TTC34: variants seen among roughly 807,000 people sequenced by gnomAD.
TTC34 encodes tetratricopeptide repeat protein 34.
A neutral mutation model predicts 40.7 loss-of-function variants in TTC34; 44 were observed. The ratio of observed to expected loss-of-function variants is 1.08; its 90% CI spans 0.85 to 1.39. The LOEUF (loss-of-function observed/expected upper bound fraction) is 1.39, where lower values mean the gene tolerates loss of function less well. Among genes scored for constraint, TTC34 ranks in the 40% most tolerant of loss-of-function variants. The pLI, the probability that TTC34 is intolerant of heterozygous loss-of-function variation, is 0.00. For synonymous variants in TTC34, 422 were observed against 398.6 expected, an observed-to-expected ratio of 1.06 and a Z score of -0.70; for missense variants, 884 against 838.0, an observed-to-expected ratio of 1.05 and a Z score of -0.68.
intron 6 of TTC34, among the ~76,000 whole-genome samples, chr1:2,675,159 A>T (rs1639856456): frequency 7.3e-6 from 1 of 136,614 alleles, no homozygotes; most frequent in Non-Finnish European, 1.6e-5. Flanking sequence ...CAGCACCCAC[A>T]CCCCCAGGGG....
At chr1:2,788,975 C>T (rs1643627132) in intron 3 of TTC34, among the ~76,000 whole-genome samples, 1 of 152,014 alleles carries the variant, frequency 6.6e-6, no homozygotes, top group Non-Finnish European at 1.5e-5. Flanking sequence ...CTACTTGGGA[C>T]GCTGAGGCAG....
chr1:2,752,274 G>C lies in TTC34; in HGVS notation c.2226+31335C>G, dbSNP rs1236773375. ...TGCCCAGCTGAGCCTCTGACAGCCT[G>C]GAACAGCACCTTGCACCCCCAGGGG... On this transcript the variant is annotated intron_variant, in intron 6 of 8. Transcript: ENST00000401095. Among the ~76,000 whole-genome samples, 6 of 104,230 alleles carry C rather than the reference G, an allele frequency of 5.8e-5. 1 individual carries two copies. The Admixed American group carries it at 6.2e-4, about 11-fold the overall frequency. 68.4% of individuals were successfully genotyped at this position (104,230 alleles called of 152,430 possible).
rs1464599511 is a variant in TTC34 at position 2,646,186 on chromosome 1, C to T, written c.2227-623G>A. ...AGCAATTGCCTTGTGGATTACAATACGTAGCCTTACAGCTATGAACAAGCC... is the reference window on the plus strand; with the variant it reads ...AGCAATTGCCTTGTGGATTACAATATGTAGCCTTACAGCTATGAACAAGCC... On this transcript the variant is annotated intron_variant, in intron 6 of 8. Coordinates refer to ENST00000401095, the Ensembl canonical transcript of TTC34. Among the ~76,000 whole-genome samples the T allele has an allele frequency of 6.6e-5, 10 of 152,158 alleles. No homozygotes were observed. The South Asian group carries it at 8.3e-4, about 13-fold the overall frequency.
In TTC34 at chr1:2,645,587, G is replaced by GGGGGCCCC; in HGVS notation, c.2227-25_2227-24insGGGGCCCC. 4.4e-6 allele frequency: 1 copy of GGGGGCCCC among 229,528 alleles called. No individual in the cohort carries two copies. The highest frequency in any genetic ancestry group is 8.6e-6 in the Non-Finnish European group (1 of 116,450). The allele number at this position is 229,528 out of a possible 1,614,324, so 14.2% of individuals were successfully genotyped here. On this transcript the variant is annotated intron_variant, in intron 6 of 8. Coordinates refer to ENST00000401095, the Ensembl canonical transcript of TTC34. The surrounding 1 kb of genome is among the most constrained non-coding windows in gnomAD (Gnocchi z 4.7). Reference sequence around the variant, plus strand: ...TCCTGCAAGGAGGGAGGGCGGGCGGGTGCAGAGTTGTCCTAAGTAGAGAAA... The same window carrying GGGGGCCCC: ...TCCTGCAAGGAGGGAGGGCGGGCGGGGGGGCCCCTGCAGAGTTGTCCTAAGTAGAGAAA...
At chr1:2,772,797 C>G (rs1423679103) in intron 6 of TTC34, among the ~76,000 whole-genome samples, 21 of 56,290 alleles carry the variant, frequency 3.7e-4, no homozygotes, top group Non-Finnish European at 2.6e-4. Context: ...ATCTGACATC[C>G]TGGAACAGCA....
At chr1:2,694,940 C>A (rs1640791184) in intron 6 of TTC34, among the ~76,000 whole-genome samples, 1 of 138,030 alleles carries the variant, frequency 7.2e-6, no homozygotes, top group Non-Finnish European at 1.6e-5. Flanking sequence ...CATCCTTGAG[C>A]AGCACCCACA....
At chr1:2,783,472 G>A in intron 6 of TTC34, 137 bp downstream of exon 6, 1 of 898,538 alleles carries the variant, frequency 1.1e-6, no homozygotes, top group African/African-American at 1.7e-5. Flanking sequence ...AGGTGGGGAT[G>A]GGAACATGGG....
chr1:2,643,173 C>G (rs1307169274), intron 8 of TTC34, among the ~76,000 whole-genome samples: 1 of 152,230 alleles, frequency 6.6e-6, no homozygotes, highest in African/African-American at 2.4e-5. Context: ...CCCAGACTCC[C>G]CTGAGCCCGC....
At chr1:2,677,671 G>A (rs368580012) in intron 6 of TTC34, among the ~76,000 whole-genome samples, 217 of 149,776 alleles carry the variant, frequency 1.4e-3, no homozygotes, top group African/African-American at 4.3e-3. Flanking sequence ...GCATCTGACA[G>A]CCTGGAACAG....
intron 6 of TTC34, among the ~76,000 whole-genome samples, chr1:2,683,989 CTG>C (rs1190702247): frequency 5.4e-5 from 8 of 148,470 alleles, no homozygotes; most frequent in African/African-American, 2.1e-4. Flanking sequence ...GAGCAGCATC[CTG>C]CACCCCCAGG....
At chr1:2,652,075 C>T (rs1468570046) in intron 6 of TTC34, among the ~76,000 whole-genome samples, 6 of 29,390 alleles carry the variant, frequency 2.0e-4, no homozygotes, top group Non-Finnish European at 2.6e-4. Flanking sequence ...CCTGGAGGAG[C>T]ACCCACACCC....
intron 6 of TTC34, among the ~76,000 whole-genome samples, chr1:2,781,517 T>G: frequency 6.6e-6 from 1 of 152,186 alleles, no homozygotes; most frequent in East Asian, 1.9e-4. Context: ...GCTTGGTAAT[T>G]TTTTTCTTGC....
chr1:2,654,012 C>G (rs1251763079), intron 6 of TTC34, among the ~76,000 whole-genome samples: 4 of 151,532 alleles, frequency 2.6e-5, no homozygotes, highest in Middle Eastern at 3.5e-3. Context: ...GCCCACACCC[C>G]CAGGCGAGCA....
At position 2,796,644 on chromosome 1, in the gene TTC34, T is replaced by A. The variant is rs1643712106; in HGVS notation, c.784+3400A>T. On this transcript the variant is annotated intron_variant, in intron 2 of 8. Coordinates refer to ENST00000401095, the Ensembl canonical transcript of TTC34. This position sits in a 1 kb window ranked among gnomAD's most constrained non-coding sequence, Gnocchi z 4.5. ...TAAGTCATGCCCTGCCCCTGCGTGA[T>A]CATTAAAGTGGAAGGCCCCCTCCCT... is the stretch of plus-strand genomic sequence containing the variant. Among the ~76,000 whole-genome samples the A allele has an allele frequency of 1.3e-5, 2 of 151,928 alleles. No individual in the cohort carries two copies. Among genetic ancestry groups the A allele is most frequent in the Admixed American group, 1.3e-4 (2 of 15,270 alleles).
In TTC34 at chr1:2,800,870, TG is replaced by T; in HGVS notation, c.-41-3del. The T allele has an allele frequency of 2.5e-6, 1 of 398,506 alleles. No homozygotes were observed. Among genetic ancestry groups the T allele is most frequent in the Non-Finnish European group, 4.4e-6 (1 of 226,076 alleles). 24.7% of individuals were successfully genotyped at this position (398,506 alleles called of 1,614,324 possible). ...GCCCATGTCTGGTCCTCAGAGTACC[TG>T]GGGGTGGGGGAGCATGGTGAGTCCA... On this transcript the variant is annotated splice_region_variant and splice_polypyrimidine_tract_variant and intron_variant, in intron 1 of 8. Transcript: ENST00000401095.
Position 2,687,505 on chromosome 1 carries a change from A to T in TTC34, c.2227-41942T>A, listed in dbSNP as rs372818704. ...CCACACACTCAGGCGAGCATCTGAC[A>T]TCCTTGAGCAGCACCCACACCCCCA... On this transcript the variant is annotated intron_variant, in intron 6 of 8. Transcript: ENST00000401095. Among the ~76,000 whole-genome samples the T allele has an allele frequency of 3.4e-5, 5 of 146,328 alleles. No individual in the cohort carries two copies. In the South Asian group the frequency reaches 1.1e-3, roughly 31 times the overall value.
At chr1:2,686,182 T>A (rs1196221032) in intron 6 of TTC34, among the ~76,000 whole-genome samples, 1 of 46,508 alleles carries the variant, frequency 2.2e-5, no homozygotes, top group African/African-American at 1.0e-4. Flanking sequence ...CATCGGAGAG[T>A]CTGGAGCAGC....
exon 9 of TTC34, chr1:2,641,646 G>A (rs2100984809): frequency 6.5e-7 from 1 of 1,535,308 alleles, no homozygotes; most frequent in South Asian, 1.2e-5. Flanking sequence ...CCCAGGCTCA[G>A]CAGCAGGCGA....
At chr1:2,649,804 G>T (rs1364596833) in intron 6 of TTC34, among the ~76,000 whole-genome samples, 1 of 152,052 alleles carries the variant, frequency 6.6e-6, no homozygotes. Flanking sequence ...ACGAGTCATC[G>T]CACCTGGCTG....
Sources: gnomAD v4.1 joint callset for allele counts (sites outside exome capture counted in the v4.1 genomes callset) on GRCh38, gnomAD v4.1.1 for gene constraint, Gnocchi (gnomAD v3.1) non-coding constraint, MANE v1.5 for transcripts, NCBI Gene and HGNC (gene_info 2026-07-23, HGNC 2026-07-21) for gene names.